The following LAMA1 variants were observed in gnomAD, a reference collection of about 807,000 sequenced individuals.
LAMA1 encodes laminin subunit alpha 1, also known as laminin subunit alpha-1.
A neutral mutation model predicts 348.7 loss-of-function variants in LAMA1; 219 were observed. That is an observed-to-expected ratio of 0.63 (90% CI 0.56 to 0.70). The LOEUF (loss-of-function observed/expected upper bound fraction) is 0.70. LAMA1 is among the 30% of genes least tolerant of loss of function. LAMA1 has a pLI of 0.00. For synonymous variants in LAMA1, 1,487 were observed against 1,491.0 expected (o/e 1.00, Z 0.06); for missense variants, 3,744 against 3,888.0 (o/e 0.96, Z 0.99).
chr18:7,068,562 T>C (rs2058132786), intron 3 of LAMA1, among the ~76,000 whole-genome samples: 1 of 152,218 alleles, frequency 6.6e-6, no homozygotes, highest in Non-Finnish European at 1.5e-5. Flanking sequence ...AAATAACTTT[T>C]TTCTTATATT....
intron 1 of LAMA1, among the ~76,000 whole-genome samples, chr18:7,102,606 A>AGT (rs1235185871): frequency 1.3e-5 from 2 of 152,140 alleles, no homozygotes; most frequent in Non-Finnish European, 2.9e-5. Flanking sequence ...CAATAAGTGG[A>AGT]GTGATACAGG....
Position 7,009,330 on chromosome 18 carries a change from G to C in LAMA1, c.3910C>G (p.Pro1304Ala), listed in dbSNP as rs151275559. ...WKYFNSVSEK[P>A]VTREDFMSVL... ...GACATAAAATCCTCTCGCGTGACAG[G>C]TTTTTCAGAAACAGAGTTAAAATAT... The change falls in exon 27 of 63, where the codon CCT becomes GCT. Residue 1304 changes from proline to alanine, a missense_variant. Physicochemically the swap from Pro to Ala is conservative, Grantham distance 27. Around this residue, in one of 3 missense-constraint regions of LAMA1, gnomAD observed 1,983 missense variants for 1,934.3 expected, o/e 1.03. Transcript: ENST00000389658. 4.7e-4 allele frequency: 752 copies of C among 1,614,092 alleles called. 6 individuals are homozygous for C. In the African/African-American group the frequency reaches 9.1e-3, roughly 19 times the overall value.
chr18:6,991,637 G>A (rs967138574), intron 36 of LAMA1, among the ~76,000 whole-genome samples: 31 of 151,928 alleles, frequency 2.0e-4, no homozygotes, highest in African/African-American at 5.3e-4. Context: ...TGATCTGCCC[G>A]CCTCAGCCTC....
intron 1 of LAMA1, among the ~76,000 whole-genome samples, chr18:7,113,560 T>A (rs950639355): frequency 6.6e-6 from 1 of 152,134 alleles, no homozygotes; most frequent in Non-Finnish European, 1.5e-5. Context: ...GAACATTAAG[T>A]AATTTGATAA....
At chr18:6,993,497 C>T in intron 35 of LAMA1, 144 bp downstream of exon 35, 2 of 728,100 alleles carry the variant, frequency 2.7e-6, no homozygotes, top group East Asian at 5.1e-5. Flanking sequence ...GTTTGCACAT[C>T]TCAGGATCCC....
At position 6,999,790 on chromosome 18, in the gene LAMA1, A is replaced by G. The variant is rs1004578161; in HGVS notation, c.4469+121T>C. The G allele has an allele frequency of 2.2e-5, 26 of 1,181,776 alleles. No homozygotes were observed. In the East Asian group the frequency reaches 5.0e-4, roughly 23 times the overall value. 73.2% of individuals were successfully genotyped at this position (1,181,776 alleles called of 1,614,324 possible). On this transcript the variant is annotated intron_variant, in intron 31 of 62. Transcript: ENST00000389658. ...GGAACAGTAATGAGGTCTTATTTCA[A>G]TCAAGCACATCCAAACTGATAATTG...
intron 3 of LAMA1, among the ~76,000 whole-genome samples, chr18:7,078,460 C>A (rs1242487272): frequency 6.6e-6 from 1 of 151,998 alleles, no homozygotes; most frequent in Admixed American, 6.5e-5. Context: ...GCCACCGCAC[C>A]TGGCTCTTTT....
chr18:6,982,667 A>G, intron 40 of LAMA1, 77 bp from the exon 41 acceptor site: 1 of 1,168,814 alleles, frequency 8.6e-7, no homozygotes, highest in South Asian at 1.2e-5. Context: ...AAGTGACTCC[A>G]TCAGAGTAGC....
chr18:6,989,464 C>T (rs926455218), intron 36 of LAMA1, among the ~76,000 whole-genome samples: 1 of 152,040 alleles, frequency 6.6e-6, no homozygotes, highest in African/African-American at 2.4e-5. Context: ...GCATGAACCA[C>T]CAATGTTTTA....
chr18:7,009,415 C>G, intron 26 of LAMA1, 49 bp from the exon 27 acceptor site: 1 of 1,599,428 alleles, frequency 6.3e-7, no homozygotes. Flanking sequence ...CAAATTCTGA[C>G]AGGCATAAAA....
chr18:7,023,430 C>G, intron 18 of LAMA1, 55 bp from the exon 19 acceptor site: 1 of 1,441,314 alleles, frequency 6.9e-7, no homozygotes, highest in Non-Finnish European at 9.8e-7. Context: ...AAGGCCTTAC[C>G]GCACTATCCA....
At chr18:6,987,718 C>G (rs992220385) in intron 36 of LAMA1, among the ~76,000 whole-genome samples, 1 of 152,056 alleles carries the variant, frequency 6.6e-6, no homozygotes, top group African/African-American at 2.4e-5. Flanking sequence ...GGTTAAGACA[C>G]GACCAAAAAC....
intron 3 of LAMA1, among the ~76,000 whole-genome samples, chr18:7,063,827 G>A (rs977534703): frequency 4.6e-5 from 7 of 152,288 alleles, no homozygotes; most frequent in African/African-American, 1.4e-4. Context: ...GACAAAAGCT[G>A]AATGGAGGCT....
At chr18:7,008,735 G>T in intron 27 of LAMA1, 127 bp from the exon 28 acceptor site, 1 of 1,064,750 alleles carries the variant, frequency 9.4e-7, no homozygotes, top group Non-Finnish European at 1.4e-6. Context: ...AGTAGTTCCT[G>T]CTTGTGATTG....
At position 6,959,386 on chromosome 18, in the gene LAMA1, C is replaced by T; in HGVS notation, c.7733G>A (p.Cys2578Tyr). Residue 2578 changes from cysteine to tyrosine, a missense_variant, in exon 54 of 63, where the codon TGC becomes TAC. Coordinates refer to ENST00000389658, the MANE Select transcript of LAMA1 (RefSeq NM_005559.4). ...GATGGAATGCGCTTGTCCATCACTG[C>T]AGGTACCCGTGGGAGCGTGCAGGAG... Reference protein sequence around the residue: ...KALLHAPTGTCSDGQAHSISL... With the variant: ...KALLHAPTGTYSDGQAHSISL... 1 of 1,614,196 alleles carries T rather than the reference C, an allele frequency of 6.2e-7. No individual in the cohort carries two copies. Among genetic ancestry groups the T allele is most frequent in the Admixed American group, 1.7e-5 (1 of 60,024 alleles).
At chr18:6,989,396 C>A (rs931531249) in intron 36 of LAMA1, among the ~76,000 whole-genome samples, 16 of 152,146 alleles carry the variant, frequency 1.1e-4, no homozygotes, top group African/African-American at 3.4e-4. Flanking sequence ...CCCGACCCAG[C>A]ATGAAAAGTA....
At chr18:7,032,491 G>A (rs1307269476) in intron 15 of LAMA1, among the ~76,000 whole-genome samples, 1 of 152,184 alleles carries the variant, frequency 6.6e-6, no homozygotes, top group Non-Finnish European at 1.5e-5. Context: ...GTTTGTCCAA[G>A]TGATTTCAAA....
intron 1 of LAMA1, among the ~76,000 whole-genome samples, chr18:7,088,741 C>T (rs972248140): frequency 2.6e-5 from 4 of 152,046 alleles, no homozygotes; most frequent in African/African-American, 7.2e-5. Context: ...CCAGGCTGGT[C>T]GGACTCCTGG....
At position 6,949,157 on chromosome 18, in the gene LAMA1, C is replaced by G; in HGVS notation, c.8500G>C (p.Gly2834Arg). The change falls in exon 59 of 63, where the codon GGT becomes CGT. Residue 2834 changes from glycine to arginine, a missense_variant. Gly to Arg is a moderately radical substitution (Grantham distance 125). This residue lies in a region of LAMA1 where 1,983 missense variants were observed against 1,934.3 expected (regional missense o/e 1.03). Transcript: ENST00000389658. ...VGDGTMLDVE[G>R]LFYLGGLPSQ... ...GGCAGGCCTCCTAGGTAGAACAAAC[C>G]CTCCACATCCAGCATGGTTCCATCT... 6.2e-7 allele frequency: 1 copy of G among 1,614,146 alleles called. No homozygotes were observed. The highest frequency in any genetic ancestry group is 8.5e-7 in the Non-Finnish European group (1 of 1,180,028).
Sources: allele counts gnomAD v4.1 joint callset (sites outside exome capture counted in the v4.1 genomes callset), GRCh38; gene constraint gnomAD v4.1.1; regional missense constraint gnomAD v4.1.1; transcripts MANE v1.5; gene names NCBI Gene and HGNC (gene_info 2026-07-23, HGNC 2026-07-21).